Variants in DCP1A observed in about 807,000 individuals in gnomAD.
DCP1A encodes the protein decapping mRNA 1A.
A neutral mutation model predicts 58.0 loss-of-function variants in DCP1A; 20 were observed. The ratio of observed to expected loss-of-function variants is 0.34; its 90% CI spans 0.24 to 0.50. DCP1A has a LOEUF of 0.50. DCP1A is among the 20% of genes least tolerant of loss of function. The pLI is 0.98. For missense variants in DCP1A, 613 were observed against 712.2 expected (o/e 0.86, Z 1.59); for synonymous variants, 285 against 275.1 (o/e 1.04, Z -0.36).
At chr3:53,326,976 ACC>A (rs369209976) in intron 3 of DCP1A, among the ~76,000 whole-genome samples, 1,998 of 99,696 alleles carry the variant, frequency 0.02, 90 homozygotes, top group South Asian at 0.19. Context: ...GACATGTCCA[ACC>A]CCCCCCCCCC....
intron 3 of DCP1A, among the ~76,000 whole-genome samples, chr3:53,322,852 C>T (rs1460061992): frequency 3.3e-5 from 5 of 150,462 alleles, no homozygotes; most frequent in Non-Finnish European, 7.4e-5. Flanking sequence ...CTCACTGTCA[C>T]CCAGGCTGGA....
chr3:53,308,836 A>G (rs1480611891), intron 5 of DCP1A, among the ~76,000 whole-genome samples: 1 of 152,130 alleles, frequency 6.6e-6, no homozygotes, highest in Non-Finnish European at 1.5e-5. Context: ...CGTGGATTCA[A>G]GCAATCCTCC....
Position 53,283,497 on chromosome 3 carries a change from GA to G in DCP1A, c.*4082del, listed in dbSNP as rs1421921817. ...TTTGCAAACATATAAAATTTAAGAT[GA>G]AAAACGCTCATTTTAAAACATGTAA... On this transcript the variant is annotated 3_prime_UTR_variant, in exon 10 of 10. Coordinates refer to ENST00000610213, the MANE Select transcript of DCP1A (RefSeq NM_018403.7). 6.6e-6 allele frequency: 1 copy of G among 152,114 alleles called. No homozygotes were observed. Among genetic ancestry groups the G allele is most frequent in the Non-Finnish European group, 1.5e-5 (1 of 67,996 alleles). 9.4% of individuals were successfully genotyped at this position (152,114 alleles called of 1,614,324 possible).
intron 6 of DCP1A, among the ~76,000 whole-genome samples, chr3:53,300,808 C>T (rs888091542): frequency 1.6e-4 from 25 of 151,738 alleles, no homozygotes; most frequent in Admixed American, 8.5e-4. Flanking sequence ...CCACCACACC[C>T]GGCTAATTTT....
intron 3 of DCP1A, among the ~76,000 whole-genome samples, chr3:53,332,100 C>T (rs1456443287): frequency 1.3e-5 from 2 of 151,952 alleles, no homozygotes; most frequent in African/African-American, 4.8e-5. Flanking sequence ...ATGATTTCCT[C>T]ATCACAGAAG....
At chr3:53,293,221 C>T (rs1575594273) in intron 6 of DCP1A, among the ~76,000 whole-genome samples, 1 of 152,250 alleles carries the variant, frequency 6.6e-6, no homozygotes, top group South Asian at 2.1e-4. Flanking sequence ...CAATGAAACG[C>T]TAGGCACTGG....
At chr3:53,310,497 A>G (rs1707613405) in intron 5 of DCP1A, among the ~76,000 whole-genome samples, 1 of 152,232 alleles carries the variant, frequency 6.6e-6, no homozygotes. Context: ...ATTACTCAGG[A>G]TGAGTGACAG....
intron 7 of DCP1A, 72 bp from the exon 8 acceptor site, chr3:53,290,928 G>T: frequency 1.5e-6 from 2 of 1,311,968 alleles, no homozygotes; most frequent in Non-Finnish European, 2.1e-6. Context: ...AGTCTTAATT[G>T]AAAAAGACTT....
At chr3:53,302,418 C>T (rs1187015296) in intron 6 of DCP1A, among the ~76,000 whole-genome samples, 1 of 152,074 alleles carries the variant, frequency 6.6e-6, no homozygotes, top group Admixed American at 6.5e-5. Context: ...CAGCAATGAA[C>T]AAGGCTCATA....
In DCP1A at chr3:53,283,469, A is replaced by G. The variant is rs1706507078; in HGVS notation, c.*4111T>C. 1 of 152,256 alleles carries G rather than the reference A, an allele frequency of 6.6e-6. No homozygotes were observed. Among genetic ancestry groups the G allele is most frequent in the Non-Finnish European group, 1.5e-5 (1 of 68,046 alleles). The allele number at this position is 152,256 out of a possible 1,614,324, so 9.4% of individuals were successfully genotyped here. On this transcript the variant is annotated 3_prime_UTR_variant, in exon 10 of 10. Coordinates refer to ENST00000610213, the MANE Select transcript of DCP1A (RefSeq NM_018403.7). ...GGTTTTGAAATTTTATTAAAAAAAT[A>G]TATTTGCAAACATATAAAATTTAAG...
At chr3:53,321,102 C>T (rs1707952302) in intron 3 of DCP1A, among the ~76,000 whole-genome samples, 1 of 152,238 alleles carries the variant, frequency 6.6e-6, no homozygotes, top group African/African-American at 2.4e-5. Context: ...CCTTCTGTTG[C>T]TAGGTTGAAG....
chr3:53,343,454 A>G (rs567383969), intron 2 of DCP1A, among the ~76,000 whole-genome samples: 1 of 152,246 alleles, frequency 6.6e-6, no homozygotes, highest in South Asian at 2.1e-4. Context: ...TAAATCTCCT[A>G]CTTTCTACAA....
rs149899532 is a variant in DCP1A, at chr3:53,318,685, C to T, written c.371+722G>A. Among the ~76,000 whole-genome samples, 289 of 152,280 alleles carry T rather than the reference C, an allele frequency of 1.9e-3. 1 individual carries two copies. The highest frequency in any genetic ancestry group is 6.6e-3 in the African/African-American group (274 of 41,542). On this transcript the variant is annotated intron_variant, in intron 4 of 9. Transcript: ENST00000610213. ...TAGCTTGAGAGAGGACAATGAACTG[C>T]CCTTTAGAACATTAATTCAAGGAAA... is the stretch of plus-strand genomic sequence containing the variant.
chr3:53,342,220 G>A lies in DCP1A; in HGVS notation c.228C>T (p.His76=). Residue 76 remains histidine, a synonymous_variant, in exon 3 of 10, where the codon CAC becomes CAT. Coordinates refer to ENST00000610213, the MANE Select transcript of DCP1A (RefSeq NM_018403.7). The part of the protein sequence containing the change: ...GFTIVNRLNM[H]NLVEPVNKDL... ...CTTTATTCACTGGTTCAACTAGATT[G>A]TGCATATTTAGTCGATTCACAATGG... The A allele has an allele frequency of 6.2e-7, 1 of 1,604,016 alleles. No individual in the cohort carries two copies. Among genetic ancestry groups the A allele is most frequent in the South Asian group, 1.1e-5 (1 of 89,888 alleles).
At chr3:53,287,917 A>G (rs371402069) in intron 9 of DCP1A, 148 bp downstream of exon 9, 3 of 791,886 alleles carry the variant, frequency 3.8e-6, no homozygotes, top group East Asian at 5.4e-5. Context: ...GGCCTCCCAT[A>G]GTGCTGGGAT....
chr3:53,347,260 C>T lies in DCP1A; in HGVS notation c.135+123G>A, dbSNP rs868974223. On this transcript the variant is annotated intron_variant, in intron 1 of 9. Transcript: ENST00000610213. Reference sequence around the variant, plus strand: ...GGCTCTGGCTAGGCTCTTGGCCAGACCCTGGCCTCGTCTCCACCGCCCTGG... The same window carrying T: ...GGCTCTGGCTAGGCTCTTGGCCAGATCCTGGCCTCGTCTCCACCGCCCTGG... 4.5e-5 allele frequency: 56 copies of T among 1,241,674 alleles called. No homozygotes were observed. In the African/African-American group the frequency reaches 7.7e-4, roughly 17 times the overall value. 76.9% of individuals were successfully genotyped at this position (1,241,674 alleles called of 1,614,324 possible).
intron 3 of DCP1A, among the ~76,000 whole-genome samples, chr3:53,341,482 T>C (rs966191002): frequency 6.6e-6 from 1 of 152,012 alleles, no homozygotes; most frequent in Non-Finnish European, 1.5e-5. Flanking sequence ...ATAGTAATAA[T>C]AATACTTTCT....
intron 6 of DCP1A, among the ~76,000 whole-genome samples, chr3:53,298,694 T>C (rs1553687049): frequency 6.6e-6 from 1 of 152,192 alleles, no homozygotes; most frequent in Non-Finnish European, 1.5e-5. Context: ...ATCACCTGGA[T>C]GGTGATACTT....
At chr3:53,347,360 C>A (rs1170714103) in intron 1 of DCP1A, 23 bp downstream of exon 1, 1 of 1,546,252 alleles carries the variant, frequency 6.5e-7, no homozygotes, top group Admixed American at 2.0e-5. Flanking sequence ...GGGTGGCCGT[C>A]CTCAGGGCCA....
Sources: gnomAD v4.1 joint callset for allele counts (sites outside exome capture counted in the v4.1 genomes callset) on GRCh38, gnomAD v4.1.1 for gene constraint, MANE v1.5 for transcripts, NCBI Gene and HGNC (gene_info 2026-07-23, HGNC 2026-07-21) for gene names.